VPS13B: variants seen among roughly 807,000 people sequenced by gnomAD.
The protein encoded by VPS13B is intermembrane lipid transfer protein VPS13B.
In VPS13B, 285 loss-of-function variants were observed where a neutral mutation model predicts 426.4. That is an observed-to-expected ratio of 0.67 (90% confidence interval 0.61 to 0.74). The LOEUF (loss-of-function observed/expected upper bound fraction) is 0.74, where lower values mean the gene tolerates loss of function less well. Among genes scored for constraint, VPS13B ranks in the 30% least tolerant of loss-of-function variants. VPS13B has a pLI of 0.00. For synonymous variants in VPS13B, 1,676 were observed against 1,676.4 expected, an observed-to-expected ratio of 1.00 and a Z score of 0.01; for missense variants, 4,537 against 4,782.6, an observed-to-expected ratio of 0.95 and a Z score of 1.51.
intron 15 of VPS13B, among the ~76,000 whole-genome samples, chr8:99,169,368 A>C (rs916639361): frequency 6.6e-6 from 1 of 151,934 alleles, no homozygotes; most frequent in Non-Finnish European, 1.5e-5. Context: ...TATTATGACA[A>C]ATATAGTATC....
At chr8:99,659,456 T>A (rs1362258820) in intron 34 of VPS13B, among the ~76,000 whole-genome samples, 1 of 152,182 alleles carries the variant, frequency 6.6e-6, no homozygotes, top group South Asian at 2.1e-4. Flanking sequence ...TTTTGTGTGG[T>A]CATATATGTC....
At position 99,670,245 on chromosome 8, in the gene VPS13B, A is replaced by G. The variant is rs1830654283; in HGVS notation, c.6046+8754A>G. 6.8e-5 allele frequency among the ~76,000 whole-genome samples: 10 copies of G among 147,224 alleles called. No individual in the cohort carries two copies. In the Admixed American group the frequency reaches 7.4e-4, roughly 11 times the overall value. The stretch of plus-strand genomic sequence containing the variant: ...TCAAATAGTGTCTCGATTTTTCTGG[A>G]GTAGAAAATGAGGAATAAATAATGT... On this transcript the variant is annotated intron_variant, in intron 35 of 61. Transcript: ENST00000357162.
chr8:99,794,916 TAGGTCTTTCTA>T (rs1334850847), intron 43 of VPS13B, among the ~76,000 whole-genome samples: 1 of 152,192 alleles, frequency 6.6e-6, no homozygotes, highest in African/African-American at 2.4e-5. Flanking sequence ...GCCATCAATT[TAGGTCTTTCTA>T]AGGTCTTTCA....
At position 99,854,151 on chromosome 8, in the gene VPS13B, C is replaced by T; in HGVS notation, c.10762C>T (p.Pro3588Ser). The change falls in exon 56 of 62, where the codon CCT (proline) becomes TCT (serine). Residue 3588 changes from proline to serine, a missense_variant. Pro to Ser is a moderately conservative substitution (Grantham distance 74, BLOSUM62 -1). Around this residue, in one of 2 missense-constraint regions of VPS13B, gnomAD observed 4,311 missense variants for 4,474.3 expected, o/e 0.96. Transcript: ENST00000357162. ...GCTGTACATAGCCTCAGACCACACT[C>T]CTCTCTCCTTCTCGGTGTTTGAAAG... ...LKLYIASDHT[P>S]LSFSVFERGP... The T allele has an allele frequency of 6.2e-7, 1 of 1,613,926 alleles. No individual in the cohort carries two copies. The highest frequency in any genetic ancestry group is 1.6e-4 in the Middle Eastern group (1 of 6,062).
chr8:99,064,456 A>T (rs1844365154), intron 3 of VPS13B, among the ~76,000 whole-genome samples: 1 of 152,212 alleles, frequency 6.6e-6, no homozygotes, highest in African/African-American at 2.4e-5. Flanking sequence ...AACTATGTGA[A>T]ATATGCACAA....
At chr8:99,847,004 A>G (rs940048506) in intron 54 of VPS13B, among the ~76,000 whole-genome samples, 1 of 152,018 alleles carries the variant, frequency 6.6e-6, no homozygotes, top group Non-Finnish European at 1.5e-5. Context: ...AAAGAAAAGC[A>G]ATTGATTTAC....
chr8:99,378,434 T>C (rs1370634569), intron 19 of VPS13B, among the ~76,000 whole-genome samples: 1 of 152,104 alleles, frequency 6.6e-6, no homozygotes, highest in Non-Finnish European at 1.5e-5. Flanking sequence ...CATCCTCAGC[T>C]TATGAAGATG....
Position 99,195,306 on chromosome 8 carries a change from T to G in VPS13B, c.2515+2249T>G, listed in dbSNP as rs543758151. Among the ~76,000 whole-genome samples, 18 of 152,362 alleles carry G rather than the reference T, an allele frequency of 1.2e-4. No homozygotes were observed. The South Asian group carries it at 1.7e-3, about 14-fold the overall frequency. ...TGATGTTGAGTATGTTTTCATATAC[T>G]TGTTGGCCATTTGTATGAACCATTT... On this transcript the variant is annotated intron_variant, in intron 17 of 61. Transcript: ENST00000357162.
At chr8:99,303,152 C>T (rs550133451) in intron 19 of VPS13B, among the ~76,000 whole-genome samples, 129 of 147,206 alleles carry the variant, frequency 8.8e-4, no homozygotes, top group South Asian at 2.7e-3. Context: ...TGGTAGAATG[C>T]TCCTGTAATC....
chr8:99,336,065 T>C (rs1810846102), intron 19 of VPS13B, among the ~76,000 whole-genome samples: 1 of 152,174 alleles, frequency 6.6e-6, no homozygotes, highest in South Asian at 2.1e-4. Context: ...AAGTCAATCC[T>C]AAGCCAAAGA....
chr8:99,093,573 C>T (rs1389753033), intron 3 of VPS13B, among the ~76,000 whole-genome samples: 1 of 147,778 alleles, frequency 6.8e-6, no homozygotes, highest in Admixed American at 6.8e-5. Context: ...TGTTCCCCTT[C>T]CTGTGTCCAT....
At chr8:99,443,395 G>T (rs534277123) in intron 23 of VPS13B, among the ~76,000 whole-genome samples, 1 of 152,114 alleles carries the variant, frequency 6.6e-6, no homozygotes, top group South Asian at 2.1e-4. Context: ...TGTAATTTTT[G>T]ATCTCTACTT....
chr8:99,387,666 A>C (rs761123099), intron 20 of VPS13B, among the ~76,000 whole-genome samples: 1 of 152,144 alleles, frequency 6.6e-6, no homozygotes, highest in Non-Finnish European at 1.5e-5. Flanking sequence ...GAAAATCGAG[A>C]GAATTGCATA....
At chr8:99,535,701 G>T (rs1588471419) in intron 30 of VPS13B, among the ~76,000 whole-genome samples, 1 of 151,972 alleles carries the variant, frequency 6.6e-6, no homozygotes, top group Admixed American at 6.6e-5. Context: ...ATATAGACAT[G>T]TTATCACAAC....
At chr8:99,210,712 A>G (rs1309265236) in intron 17 of VPS13B, among the ~76,000 whole-genome samples, 1 of 151,932 alleles carries the variant, frequency 6.6e-6, no homozygotes, top group East Asian at 1.9e-4. Flanking sequence ...CTCAAAAGAT[A>G]CTCCTACCTT....
At chr8:99,698,698 A>T (rs1443373380) in intron 35 of VPS13B, among the ~76,000 whole-genome samples, 1 of 152,224 alleles carries the variant, frequency 6.6e-6, no homozygotes, top group Non-Finnish European at 1.5e-5. Flanking sequence ...TATGTAAGAC[A>T]CATTGTGCTA....
chr8:99,433,695 T>C (rs1411777497), intron 22 of VPS13B, among the ~76,000 whole-genome samples: 1 of 152,190 alleles, frequency 6.6e-6, no homozygotes, highest in African/African-American at 2.4e-5. Context: ...GTATAAATAG[T>C]TGTAAAACAA....
rs1244328838 is a variant in VPS13B at position 99,695,025 on chromosome 8, A to G, written c.6047-4500A>G. On this transcript the variant is annotated intron_variant, in intron 35 of 61. Coordinates refer to ENST00000357162, the MANE Select transcript of VPS13B (RefSeq NM_152564.5). ...ATCATCTCACACCAGTTAGAATGGC[A>G]ATCATTAAAAAGTCAGGAAACAACA... 1.8e-4 allele frequency among the ~76,000 whole-genome samples: 26 copies of G among 147,488 alleles called. 1 individual carries two copies. In the South Asian group the frequency reaches 5.7e-3, roughly 32 times the overall value.
At chr8:99,802,861 C>A (rs1042678208) in intron 43 of VPS13B, among the ~76,000 whole-genome samples, 19 of 152,148 alleles carry the variant, frequency 1.2e-4, no homozygotes, top group Admixed American at 1.1e-3. Flanking sequence ...TCTTTCCCTT[C>A]CCAACACTCT....
Sources: allele counts gnomAD v4.1 joint callset (sites outside exome capture counted in the v4.1 genomes callset), GRCh38; gene constraint gnomAD v4.1.1; regional missense constraint gnomAD v4.1.1; transcripts MANE v1.5; gene names NCBI Gene and HGNC (gene_info 2026-07-23, HGNC 2026-07-21).